SHLD2: variants seen among roughly 807,000 people sequenced by gnomAD.
SHLD2 encodes shieldin complex subunit 2.
Under a neutral mutation model 73.2 loss-of-function variants are expected in SHLD2, and 30 were observed. That is an observed-to-expected ratio of 0.41 (90% CI 0.31 to 0.56). The LOEUF (loss-of-function observed/expected upper bound fraction) is 0.56, where lower values mean the gene tolerates loss of function less well. Ranked by LOEUF, SHLD2 falls within the 20% of genes least tolerant of loss-of-function variation. The probability of loss-of-function intolerance (pLI) is 0.28; values close to 1 mark genes in which losing one functional copy is unlikely to be tolerated. For synonymous variants in SHLD2, 285 were observed against 370.1 expected, an observed-to-expected ratio of 0.77 and a Z score of 2.64; for missense variants, 745 against 1,055.9, an observed-to-expected ratio of 0.71 and a Z score of 4.08.
chr10:87,159,741 T>C (rs1846674667), intron 4 of SHLD2, among the ~76,000 whole-genome samples: 1 of 152,172 alleles, frequency 6.6e-6, no homozygotes, highest in African/African-American at 2.4e-5. Flanking sequence ...AGAGGGACAA[T>C]CTACTGCTAC....
At chr10:87,148,515 G>C (rs181817586) in intron 2 of SHLD2, among the ~76,000 whole-genome samples, 2,817 of 146,640 alleles carry the variant, frequency 0.019, 47 homozygotes, top group Middle Eastern at 0.038. Context: ...AGTGGTTGAA[G>C]ATTAAAGGAG....
intron 7 of SHLD2, among the ~76,000 whole-genome samples, chr10:87,178,258 A>AG: frequency 6.6e-6 from 1 of 150,464 alleles, no homozygotes; most frequent in East Asian, 1.9e-4. Context: ...AAAAAAAAAA[A>AG]AAAAGACTTT....
At chr10:87,141,851 C>T (rs4301706) in intron 2 of SHLD2, among the ~76,000 whole-genome samples, 89 of 151,962 alleles carry the variant, frequency 5.9e-4, no homozygotes, top group African/African-American at 2.0e-3. Flanking sequence ...GCCAACATGG[C>T]GAAACCCCGT....
chr10:87,156,154 C>A (rs1382148746), intron 3 of SHLD2, among the ~76,000 whole-genome samples: 1 of 150,988 alleles, frequency 6.6e-6, no homozygotes, highest in African/African-American at 2.4e-5. Context: ...GCAACCTCTG[C>A]CTCCTGGGTT....
At position 87,150,061 on chromosome 10, in the gene SHLD2, A is replaced by AT. The variant is rs569408745; in HGVS notation, c.-5-1268dup. On this transcript the variant is annotated intron_variant, in intron 2 of 9. Coordinates refer to ENST00000298786, the MANE Select transcript of SHLD2 (RefSeq NM_001330112.2). ...CACCATGGCTGGCCAAAAATGAGTAATTTTTTTTTTTTTTTTTTTTTGAGA... is the reference window on the plus strand; with the variant it reads ...CACCATGGCTGGCCAAAAATGAGTAATTTTTTTTTTTTTTTTTTTTTTGAGA... Among the ~76,000 whole-genome samples, 714 of 114,946 alleles carry AT rather than the reference A, an allele frequency of 6.2e-3. 7 individuals are homozygous for AT. Among genetic ancestry groups the AT allele is most frequent in the African/African-American group, 0.017 (507 of 29,722 alleles). 75.4% of individuals were successfully genotyped at this position (114,946 alleles called of 152,430 possible).
chr10:87,156,540 A>G (rs771685162), intron 3 of SHLD2, among the ~76,000 whole-genome samples: 7 of 152,146 alleles, frequency 4.6e-5, no homozygotes, highest in Non-Finnish European at 8.8e-5. Flanking sequence ...ACATTGGGAA[A>G]CAACAGTGTT....
chr10:87,150,742 A>AC (rs1290661840), intron 2 of SHLD2, among the ~76,000 whole-genome samples: 6 of 151,364 alleles, frequency 4.0e-5, no homozygotes, highest in African/African-American at 1.5e-4. Flanking sequence ...CCTGGGCAAC[A>AC]GAGCAAGACT....
chr10:87,148,501 T>C (rs1370978292), intron 2 of SHLD2, among the ~76,000 whole-genome samples: 1 of 144,872 alleles, frequency 6.9e-6, no homozygotes, highest in Non-Finnish European at 1.5e-5. Context: ...ATGGTTGGAG[T>C]AGAAGTGGTT....
At chr10:87,104,664 CT>C (rs960153184) in intron 2 of SHLD2, among the ~76,000 whole-genome samples, 22 of 146,928 alleles carry the variant, frequency 1.5e-4, no homozygotes, top group Admixed American at 2.7e-4. Context: ...AGGTAGGATT[CT>C]TTTTTTTTTT....
chr10:87,126,177 C>T (rs905327513), intron 2 of SHLD2, among the ~76,000 whole-genome samples: 9 of 152,096 alleles, frequency 5.9e-5, no homozygotes, highest in East Asian at 5.8e-4. Flanking sequence ...CTTCTGGGCT[C>T]GTGTGGTCCT....
At chr10:87,179,823 G>C (rs534517439) in intron 7 of SHLD2, among the ~76,000 whole-genome samples, 2 of 152,302 alleles carry the variant, frequency 1.3e-5, no homozygotes, top group African/African-American at 4.8e-5. Context: ...TATTTTGCCT[G>C]ATTCCAGAGG....
chr10:87,151,069 C>T (rs3129524), intron 2 of SHLD2, among the ~76,000 whole-genome samples: 3 of 152,094 alleles, frequency 2.0e-5, no homozygotes, highest in African/African-American at 7.2e-5. Flanking sequence ...GTGATCCACC[C>T]GCCTCGGCCT....
At chr10:87,111,792 C>G (rs371333940) in intron 2 of SHLD2, among the ~76,000 whole-genome samples, 1 of 151,044 alleles carries the variant, frequency 6.6e-6, no homozygotes, top group African/African-American at 2.4e-5. Context: ...TTAAAAACTT[C>G]TATGTTTCAA....
intron 2 of SHLD2, among the ~76,000 whole-genome samples, chr10:87,141,712 T>C (rs1845207270): frequency 6.6e-6 from 1 of 152,170 alleles, no homozygotes; most frequent in Non-Finnish European, 1.5e-5. Flanking sequence ...GATTGGATCA[T>C]TATGCAACAT....
chr10:87,100,475 G>A (rs1182706180), intron 2 of SHLD2, among the ~76,000 whole-genome samples: 2 of 148,642 alleles, frequency 1.3e-5, no homozygotes, highest in Non-Finnish European at 3.0e-5. Context: ...TCTTGATTAC[G>A]CCAGTTTTTT....
Position 87,170,584 on chromosome 10 carries a change from C to T in SHLD2, c.1740C>T (p.Asn580=). The change falls in exon 5 of 10, where the codon AAC becomes AAT. Residue 580 remains asparagine, a synonymous_variant. Transcript: ENST00000298786. ...CTCCGAGGCAGCCTCAGAGGGTGAA[C>T]AGTATAGACTTTGTAGAATTGGAGC... is the stretch of plus-strand genomic sequence containing the variant. The part of the protein sequence containing the change: ...DLPPRQPQRV[N]SIDFVELEHL... The T allele has an allele frequency of 6.2e-7, 1 of 1,613,634 alleles. No homozygotes were observed. Among genetic ancestry groups the T allele is most frequent in the Non-Finnish European group, 8.5e-7 (1 of 1,179,770 alleles).
chr10:87,162,390 C>A (rs1262021544), intron 4 of SHLD2, among the ~76,000 whole-genome samples: 2 of 152,174 alleles, frequency 1.3e-5, no homozygotes, highest in African/African-American at 4.8e-5. Flanking sequence ...ATATAAAGAA[C>A]TTTTAAACCC....
intron 6 of SHLD2, among the ~76,000 whole-genome samples, chr10:87,174,520 G>T (rs1262550546): frequency 6.7e-6 from 1 of 150,198 alleles, no homozygotes; most frequent in African/African-American, 2.5e-5. Context: ...TCTAGCTAGT[G>T]ATGCTCTGTC....
At chr10:87,098,780 T>TA in intron 2 of SHLD2, among the ~76,000 whole-genome samples, 1 of 152,272 alleles carries the variant, frequency 6.6e-6, no homozygotes, top group South Asian at 2.1e-4. Flanking sequence ...GGTTTTTTTT[T>TA]ATTTTTATTT....
Sources: gnomAD v4.1 joint callset for allele counts (sites outside exome capture counted in the v4.1 genomes callset) on GRCh38, gnomAD v4.1.1 for gene constraint, MANE v1.5 for transcripts, NCBI Gene and HGNC (gene_info 2026-07-23, HGNC 2026-07-21) for gene names.